Variants in ZFYVE9 observed in about 807,000 individuals in gnomAD.
ZFYVE9 encodes zinc finger FYVE-type containing 9.
Under a neutral mutation model 126.7 loss-of-function variants are expected in ZFYVE9, and 43 were observed. That is an observed-to-expected ratio of 0.34 (90% CI 0.27 to 0.44). ZFYVE9 has a LOEUF of 0.44. Ranked by LOEUF, ZFYVE9 falls within the 20% of genes least tolerant of loss-of-function variation. The pLI is 1.00. For synonymous variants in ZFYVE9, 521 were observed against 597.4 expected (o/e 0.87, Z 1.87); for missense variants, 1,476 against 1,697.0 (o/e 0.87, Z 2.29).
At chr1:52,345,827 G>C (rs1195473455) in intron 18 of ZFYVE9, 1 of 383,734 alleles carries the variant, frequency 2.6e-6, no homozygotes, top group African/African-American at 2.0e-5. Context: ...AGAAAACTAA[G>C]ACCATAACAG....
chr1:52,188,138 A>G (rs760804804), intron 1 of ZFYVE9, among the ~76,000 whole-genome samples: 4 of 152,254 alleles, frequency 2.6e-5, no homozygotes, highest in Admixed American at 2.6e-4. Flanking sequence ...ATGGAATACT[A>G]TGGCGCCATA....
rs528690951 is a variant in ZFYVE9 at position 52,311,485 on chromosome 1, A to G, written c.3438+7560A>G. ...TCACCATGTTGGCCAGGCTGGTCTCAAACTCCTGACCTTAGGTGTTCTGTC... is the reference window on the plus strand; with the variant it reads ...TCACCATGTTGGCCAGGCTGGTCTCGAACTCCTGACCTTAGGTGTTCTGTC... On this transcript the variant is annotated intron_variant, in intron 13 of 18. Coordinates refer to ENST00000287727, the MANE Select transcript of ZFYVE9 (RefSeq NM_004799.4). Among the ~76,000 whole-genome samples, 8 of 151,798 alleles carry G rather than the reference A, an allele frequency of 5.3e-5. No homozygotes were observed. In the East Asian group the frequency reaches 7.8e-4, roughly 15 times the overall value.
chr1:52,205,699 G>A (rs1644972236), intron 1 of ZFYVE9, among the ~76,000 whole-genome samples: 1 of 152,130 alleles, frequency 6.6e-6, no homozygotes, highest in Non-Finnish European at 1.5e-5. Context: ...CATCTAAGAA[G>A]AGTTGTTGAT....
At chr1:52,147,845 T>A (rs1410469988) in intron 1 of ZFYVE9, among the ~76,000 whole-genome samples, 1 of 152,202 alleles carries the variant, frequency 6.6e-6, no homozygotes, top group Non-Finnish European at 1.5e-5. Flanking sequence ...GTATGAAGGT[T>A]CCAATTTCTT....
At chr1:52,274,658 A>G (rs1645728068) in intron 8 of ZFYVE9, 74 bp downstream of exon 8, 4 of 1,437,178 alleles carry the variant, frequency 2.8e-6, no homozygotes, top group Non-Finnish European at 3.7e-6. Flanking sequence ...GTAGAGAGAC[A>G]GAATTTGAGT....
intron 4 of ZFYVE9, among the ~76,000 whole-genome samples, chr1:52,258,357 A>T (rs964366930): frequency 7.2e-6 from 1 of 138,410 alleles, no homozygotes; most frequent in African/African-American, 2.7e-5. Context: ...GAACTGGGGA[A>T]GGTACTTAGA....
intron 1 of ZFYVE9, among the ~76,000 whole-genome samples, chr1:52,145,427 T>C (rs1011762079): frequency 6.6e-6 from 1 of 152,226 alleles, no homozygotes; most frequent in South Asian, 2.1e-4. Flanking sequence ...TAAGTTCTTA[T>C]GTTCCTAAAG....
At chr1:52,286,546 G>A (rs1310619921) in intron 10 of ZFYVE9, among the ~76,000 whole-genome samples, 1 of 152,258 alleles carries the variant, frequency 6.6e-6, no homozygotes, top group East Asian at 1.9e-4. Context: ...ATGCCTTCTG[G>A]TTATGACAGT....
chr1:52,341,527 TG>T (rs1253290782), intron 17 of ZFYVE9, among the ~76,000 whole-genome samples: 1 of 152,258 alleles, frequency 6.6e-6, no homozygotes, highest in Non-Finnish European at 1.5e-5. Flanking sequence ...TCTCGTAAGC[TG>T]GTAGATCTTA....
At chr1:52,280,432 A>G (rs1373185314) in intron 9 of ZFYVE9, among the ~76,000 whole-genome samples, 1 of 152,040 alleles carries the variant, frequency 6.6e-6, no homozygotes, top group Admixed American at 6.6e-5. Flanking sequence ...TACCATCATG[A>G]GGAATGTCCT....
chr1:52,334,092 C>CAAA (rs565760965), intron 14 of ZFYVE9, among the ~76,000 whole-genome samples: 4 of 65,108 alleles, frequency 6.1e-5, no homozygotes, highest in African/African-American at 5.7e-5. Context: ...GACTCCGTCT[C>CAAA]AAAAAAAAAA....
intron 1 of ZFYVE9, among the ~76,000 whole-genome samples, chr1:52,202,965 C>T (rs1427120500): frequency 1.3e-5 from 2 of 152,012 alleles, no homozygotes; most frequent in East Asian, 3.9e-4. Flanking sequence ...GGATTACAGG[C>T]GTGAGCCACC....
intron 13 of ZFYVE9, among the ~76,000 whole-genome samples, chr1:52,329,633 C>T (rs968739270): frequency 6.6e-6 from 1 of 152,152 alleles, no homozygotes; most frequent in Non-Finnish European, 1.5e-5. Flanking sequence ...CGGCCGGGCG[C>T]GGTGGCACAT....
chr1:52,203,234 T>G (rs958489203), intron 1 of ZFYVE9, among the ~76,000 whole-genome samples: 9 of 152,006 alleles, frequency 5.9e-5, no homozygotes, highest in Non-Finnish European at 1.3e-4. Flanking sequence ...CAGACTGGAG[T>G]GCAGTGGCCT....
At chr1:52,259,090 G>A (rs1269414646) in intron 4 of ZFYVE9, among the ~76,000 whole-genome samples, 2 of 152,138 alleles carry the variant, frequency 1.3e-5, no homozygotes, top group Non-Finnish European at 1.5e-5. Flanking sequence ...TAAGGTGATA[G>A]CAGGGTTGGT....
chr1:52,269,052 AG>A (rs1460558638), intron 7 of ZFYVE9, among the ~76,000 whole-genome samples: 1 of 152,178 alleles, frequency 6.6e-6, no homozygotes, highest in African/African-American at 2.4e-5. Flanking sequence ...CCCCTACCAG[AG>A]TGGTACACTT....
intron 4 of ZFYVE9, among the ~76,000 whole-genome samples, chr1:52,253,191 A>G (rs1275624110): frequency 6.6e-6 from 1 of 152,216 alleles, no homozygotes; most frequent in Non-Finnish European, 1.5e-5. Context: ...TTGTTGTTGT[A>G]TATCGAGTCT....
intron 4 of ZFYVE9, among the ~76,000 whole-genome samples, chr1:52,259,775 C>T (rs1044829693): frequency 1.7e-4 from 26 of 151,998 alleles, no homozygotes; most frequent in African/African-American, 2.7e-4. Context: ...CCAGCCTGGG[C>T]GACACAGCAA....
chr1:52,270,102 A>G (rs1375617737), intron 7 of ZFYVE9, among the ~76,000 whole-genome samples: 2 of 152,086 alleles, frequency 1.3e-5, no homozygotes, highest in Non-Finnish European at 2.9e-5. Flanking sequence ...TGACCCATTT[A>G]AGGATTGGTT....
Sources: allele counts gnomAD v4.1 joint callset (sites outside exome capture counted in the v4.1 genomes callset), GRCh38; gene constraint gnomAD v4.1.1; transcripts MANE v1.5; gene names NCBI Gene and HGNC (gene_info 2026-07-23, HGNC 2026-07-21).